DEPDC5: variants seen among roughly 807,000 people sequenced by gnomAD.
DEPDC5 encodes DEP domain containing 5, GATOR1 subcomplex subunit, also known as GATOR1 complex protein DEPDC5.
DEPDC5 carries 73 observed loss-of-function variants against 217.3 expected under a neutral mutation model. The observed-to-expected ratio is 0.34, with a 90% CI of 0.28 to 0.41. DEPDC5 has a LOEUF of 0.41. DEPDC5 is among the 10% of genes least tolerant of loss of function. DEPDC5 has a pLI of 1.00. For synonymous variants in DEPDC5, 733 were observed against 756.7 expected (o/e 0.97, Z 0.51); for missense variants, 1,675 against 2,070.1 (o/e 0.81, Z 3.70).
intron 32 of DEPDC5, chr22:31,858,166 C>T (rs1054821001): frequency 3.9e-5 from 6 of 152,208 alleles, no homozygotes; most frequent in African/African-American, 1.4e-4. Context: ...CTTTAGCTTT[C>T]CCAGAGGGGA....
At chr22:31,810,763 G>T in intron 20 of DEPDC5, 122 bp downstream of exon 20, 4 of 1,494,788 alleles carry the variant, frequency 2.7e-6, no homozygotes, top group Non-Finnish European at 3.6e-6. Context: ...GTTTCGTTTT[G>T]GTTTTTTGTT....
At chr22:31,887,009 G>C (rs2093331954) in intron 38 of DEPDC5, among the ~76,000 whole-genome samples, 1 of 151,988 alleles carries the variant, frequency 6.6e-6, no homozygotes, top group African/African-American at 2.4e-5. Context: ...CTTGAACCCG[G>C]GAGGTGGAGG....
intron 37 of DEPDC5, among the ~76,000 whole-genome samples, chr22:31,877,749 CAAAAAAAAAAA>C (rs136870): frequency 1.6e-5 from 1 of 62,848 alleles, no homozygotes; most frequent in African/African-American, 6.3e-5. Context: ...GACTCCATCT[CAAAAAAAAAAA>C]AAAAAAAAAA....
rs568841317 is a variant in DEPDC5, at chr22:31,830,041, G to T, written c.2105-3874G>T. 3.9e-5 allele frequency among the ~76,000 whole-genome samples: 6 copies of T among 152,346 alleles called. 1 individual carries two copies. The South Asian group carries it at 1.2e-3, about 32-fold the overall frequency. On this transcript the variant is annotated intron_variant, in intron 24 of 42. Transcript: ENST00000651528. ...ATTTGGCCTGAGAGCCAAAGTAAAAGTAACTCATAGCATACTGAGACTGGA... is the reference window on the plus strand; with the variant it reads ...ATTTGGCCTGAGAGCCAAAGTAAAATTAACTCATAGCATACTGAGACTGGA...
chr22:31,838,023 G>A (rs1448886984), intron 26 of DEPDC5, among the ~76,000 whole-genome samples: 1 of 152,118 alleles, frequency 6.6e-6, no homozygotes, highest in Non-Finnish European at 1.5e-5. Context: ...TATGATGTAA[G>A]AACTGTTCGT....
intron 31 of DEPDC5, among the ~76,000 whole-genome samples, chr22:31,847,512 A>G (rs112937515): frequency 0.037 from 5,559 of 152,270 alleles, 158 homozygotes; most frequent in African/African-American, 0.08. Flanking sequence ...CATGGCAGAA[A>G]GGGAAGCAAA....
chr22:31,855,670 G>A (rs761336454), intron 31 of DEPDC5, among the ~76,000 whole-genome samples: 8 of 152,242 alleles, frequency 5.3e-5, no homozygotes, highest in South Asian at 2.1e-4. Flanking sequence ...GAGCCACTGC[G>A]CCTGGCCAAC....
At chr22:31,862,903 C>T (rs1200267639) in intron 33 of DEPDC5, among the ~76,000 whole-genome samples, 1 of 152,190 alleles carries the variant, frequency 6.6e-6, no homozygotes, top group African/African-American at 2.4e-5. Context: ...TGATCCTTTT[C>T]ACCTTTTACT....
intron 30 of DEPDC5, 100 bp downstream of exon 30, chr22:31,845,337 C>G: frequency 1.4e-6 from 2 of 1,403,208 alleles, no homozygotes; most frequent in African/African-American, 1.4e-5. Context: ...CTTATTTACT[C>G]CTCAGCTGCC....
chr22:31,891,821 G>A (rs1328940319), intron 38 of DEPDC5, among the ~76,000 whole-genome samples: 1 of 152,218 alleles, frequency 6.6e-6, no homozygotes, highest in Non-Finnish European at 1.5e-5. Flanking sequence ...GCAGTGCCCA[G>A]CCAGGCAGAA....
intron 38 of DEPDC5, among the ~76,000 whole-genome samples, chr22:31,880,443 G>A (rs2093142894): frequency 2.0e-5 from 3 of 152,172 alleles, no homozygotes; most frequent in Admixed American, 2.0e-4. Flanking sequence ...TTATCTTAAG[G>A]GCAAGTTGGA....
intron 18 of DEPDC5, among the ~76,000 whole-genome samples, chr22:31,807,168 A>G (rs1048074728): frequency 4.6e-5 from 7 of 152,246 alleles, no homozygotes; most frequent in African/African-American, 1.7e-4. Flanking sequence ...TTGGTGTACC[A>G]TACTTTTGCA....
chr22:31,859,673 G>T (rs576305565), intron 32 of DEPDC5, among the ~76,000 whole-genome samples: 121 of 152,326 alleles, frequency 7.9e-4, no homozygotes, highest in African/African-American at 2.9e-3. Flanking sequence ...GATTACAGGC[G>T]TGAGCCACCA....
At chr22:31,902,557 A>G (rs1410369905) in intron 41 of DEPDC5, among the ~76,000 whole-genome samples, 2 of 151,764 alleles carry the variant, frequency 1.3e-5, no homozygotes, top group African/African-American at 4.8e-5. Context: ...GTGCTTAGCA[A>G]AGACTGTGGA....
intron 31 of DEPDC5, among the ~76,000 whole-genome samples, chr22:31,849,804 A>T (rs1262986107): frequency 3.3e-5 from 5 of 151,930 alleles, no homozygotes; most frequent in Admixed American, 3.3e-4. Context: ...AGTAAATAAA[A>T]TAAAACCATC....
In DEPDC5 at chr22:31,846,908, A is replaced by G. The variant is rs756207564; in HGVS notation, c.3096A>G (p.Pro1032=). 8 of 1,614,088 alleles carry G rather than the reference A, an allele frequency of 5.0e-6. No homozygotes were observed. The highest frequency in any genetic ancestry group is 1.7e-5 in the Admixed American group (1 of 60,004). The change falls in exon 31 of 43, where the codon CCA becomes CCG. Residue 1032 remains proline (P), a synonymous_variant. Coordinates refer to ENST00000651528, the MANE Select transcript of DEPDC5 (RefSeq NM_001242896.3). ...ATTCTCTGGAGTCAACTGCACCCCC[A>G]GTGGGGAAGAAGGGAACCTCAGCTC... The part of the protein sequence containing the change: ...STHSLESTAP[P]VGKKGTSALS...
intron 10 of DEPDC5, among the ~76,000 whole-genome samples, chr22:31,791,543 T>C (rs567058352): frequency 6.6e-6 from 1 of 150,816 alleles, no homozygotes; most frequent in South Asian, 2.1e-4. Flanking sequence ...GGCAGGAGAA[T>C]TGCTTGAACC....
intron 37 of DEPDC5, among the ~76,000 whole-genome samples, chr22:31,877,201 C>T (rs1024263186): frequency 7.9e-5 from 12 of 151,756 alleles, no homozygotes; most frequent in South Asian, 4.1e-4. Context: ...TTTGGGAGGC[C>T]GAAGCAGGTG....
chr22:31,857,766 C>G, intron 32 of DEPDC5: 2 of 443,274 alleles, frequency 4.5e-6, no homozygotes, highest in Non-Finnish European at 7.9e-6. Context: ...TAGTTAAATC[C>G]GGATATAAAA....
Sources: allele counts gnomAD v4.1 joint callset (sites outside exome capture counted in the v4.1 genomes callset), GRCh38; gene constraint gnomAD v4.1.1; transcripts MANE v1.5; gene names NCBI Gene and HGNC (gene_info 2026-07-23, HGNC 2026-07-21).